RNGTT: variants seen among roughly 807,000 people sequenced by gnomAD.
The protein encoded by RNGTT is RNA guanylyltransferase and 5'-phosphatase.
RNGTT carries 33 observed loss-of-function variants against 79.3 expected under a neutral mutation model. The ratio of observed to expected loss-of-function variants is 0.42; its 90% CI spans 0.32 to 0.56. The LOEUF (loss-of-function observed/expected upper bound fraction) is 0.56, where lower values mean the gene tolerates loss of function less well. Ranked by LOEUF, RNGTT falls within the 20% of genes least tolerant of loss-of-function variation. The probability of loss-of-function intolerance (pLI) is 0.17; values close to 1 mark genes in which losing one functional copy is unlikely to be tolerated. For synonymous variants in RNGTT, 222 were observed against 235.9 expected (o/e 0.94, Z 0.54); for missense variants, 497 against 739.1 (o/e 0.67, Z 3.80).
chr6:88,940,715 C>T (rs887884774), intron 2 of RNGTT, among the ~76,000 whole-genome samples: 23 of 152,082 alleles, frequency 1.5e-4, no homozygotes, highest in Non-Finnish European at 2.9e-4. Context: ...TGAGGGAATT[C>T]CTCTGTGGAG....
Position 88,614,347 on chromosome 6 carries a change from AT to A in RNGTT, c.1554del (p.Lys518AsnfsTer10). 1 of 1,613,714 alleles carries A rather than the reference AT, an allele frequency of 6.2e-7. No homozygotes were observed. Among genetic ancestry groups the A allele is most frequent in the South Asian group, 1.1e-5 (1 of 91,054 alleles). ...KQYDNKIIEC[K>X]FENNSWVFMR... ...ATGAAGACCCAGCTGTTGTTCTCAA[AT>A]TTGCATTCTATAATTTTGTTGTCAT... On this transcript the variant is annotated frameshift_variant, in exon 15 of 16. Coordinates refer to ENST00000369485, the MANE Select transcript of RNGTT (RefSeq NM_003800.5). LOFTEE classifies it high-confidence loss of function.
At position 88,611,539 on chromosome 6, in the gene RNGTT, A is replaced by G. The variant is rs1582231239; in HGVS notation, c.*1180T>C. 2 of 118,796 alleles carry G rather than the reference A, an allele frequency of 1.7e-5. No homozygotes were observed. The highest frequency in any genetic ancestry group is 6.0e-5 in the African/African-American group (2 of 33,430). The allele number at this position is 118,796 out of a possible 1,614,324, so 7.4% of individuals were successfully genotyped here. ...GCAGACAATCAATTAGCCGCCCTTT[A>G]AATCCATTATCTATCAGTAAACATT... On this transcript the variant is annotated 3_prime_UTR_variant, in exon 16 of 16. Coordinates refer to ENST00000369485, the MANE Select transcript of RNGTT (RefSeq NM_003800.5).
intron 13 of RNGTT, among the ~76,000 whole-genome samples, chr6:88,729,724 G>A (rs1228644731): frequency 1.3e-5 from 2 of 152,124 alleles, no homozygotes; most frequent in Non-Finnish European, 2.9e-5. Flanking sequence ...AGAGGAGTTT[G>A]TGTCATGATT....
At chr6:88,874,656 G>GT (rs1156980544) in intron 8 of RNGTT, among the ~76,000 whole-genome samples, 1 of 150,032 alleles carries the variant, frequency 6.7e-6, no homozygotes, top group East Asian at 1.9e-4. Flanking sequence ...TCACAGAATC[G>GT]TAAAAAAAAA....
intron 11 of RNGTT, among the ~76,000 whole-genome samples, chr6:88,827,568 T>A (rs1348380147): frequency 6.6e-6 from 1 of 152,156 alleles, no homozygotes; most frequent in East Asian, 1.9e-4. Flanking sequence ...GAAAGGCGGC[T>A]GAAGCCAGGG....
At chr6:88,920,019 C>T (rs1432000314) in intron 4 of RNGTT, among the ~76,000 whole-genome samples, 3 of 152,052 alleles carry the variant, frequency 2.0e-5, no homozygotes, top group African/African-American at 4.8e-5. Flanking sequence ...GAAGATTTTG[C>T]CCCCCAGGGG....
chr6:88,804,251 A>G (rs1779885618), intron 11 of RNGTT, among the ~76,000 whole-genome samples: 1 of 152,250 alleles, frequency 6.6e-6, no homozygotes, highest in Admixed American at 6.5e-5. Flanking sequence ...AACTAAAAAT[A>G]AAGAGATAAC....
intron 14 of RNGTT, among the ~76,000 whole-genome samples, chr6:88,630,744 G>A (rs1026836737): frequency 6.6e-6 from 1 of 151,768 alleles, no homozygotes; most frequent in Non-Finnish European, 1.5e-5. Flanking sequence ...AATCCGACAT[G>A]ATAAAGGCAA....
chr6:88,915,463 G>A (rs573711791), intron 4 of RNGTT, among the ~76,000 whole-genome samples: 22 of 152,228 alleles, frequency 1.4e-4, no homozygotes, highest in African/African-American at 3.4e-4. Context: ...CACATCCCTC[G>A]CAGTAACATG....
chr6:88,772,841 GA>G, intron 12 of RNGTT, among the ~76,000 whole-genome samples: 1 of 152,098 alleles, frequency 6.6e-6, no homozygotes, highest in African/African-American at 2.4e-5. Flanking sequence ...AGAGGATGTG[GA>G]AAAATAGGAA....
chr6:88,856,281 G>C (rs1781841850), intron 8 of RNGTT, among the ~76,000 whole-genome samples: 1 of 151,928 alleles, frequency 6.6e-6, no homozygotes, highest in South Asian at 2.1e-4. Flanking sequence ...AAAAAGAAAT[G>C]GTTTACTCTT....
intron 14 of RNGTT, among the ~76,000 whole-genome samples, chr6:88,646,074 G>A (rs1288738128): frequency 6.6e-6 from 1 of 151,912 alleles, no homozygotes; most frequent in African/African-American, 2.4e-5. Flanking sequence ...GCAACCTAAA[G>A]AAAATTTTTG....
At chr6:88,822,473 C>A (rs1191435127) in intron 11 of RNGTT, among the ~76,000 whole-genome samples, 1 of 152,098 alleles carries the variant, frequency 6.6e-6, no homozygotes, top group African/African-American at 2.4e-5. Flanking sequence ...TAAAAATATC[C>A]TAAAAGTTAT....
intron 13 of RNGTT, among the ~76,000 whole-genome samples, chr6:88,724,811 C>T (rs189301950): frequency 2.8e-4 from 43 of 152,290 alleles, no homozygotes; most frequent in African/African-American, 9.9e-4. Context: ...GACTCATTCC[C>T]ATTACCTGCT....
At chr6:88,634,282 GA>G (rs541836638) in intron 14 of RNGTT, among the ~76,000 whole-genome samples, 1 of 152,164 alleles carries the variant, frequency 6.6e-6, no homozygotes, top group South Asian at 2.1e-4. Flanking sequence ...AATAAGGATG[GA>G]TTTAAAGTAA....
intron 14 of RNGTT, among the ~76,000 whole-genome samples, chr6:88,670,181 T>C (rs889962548): frequency 5.3e-5 from 8 of 152,200 alleles, no homozygotes; most frequent in African/African-American, 1.9e-4. Context: ...GTCAGAGACA[T>C]GACAAAGCTA....
chr6:88,760,473 G>T (rs1273589464), intron 13 of RNGTT, among the ~76,000 whole-genome samples: 1 of 152,208 alleles, frequency 6.6e-6, no homozygotes, highest in East Asian at 1.9e-4. Flanking sequence ...ATATGTTTGG[G>T]TGATGAGAAT....
intron 13 of RNGTT, among the ~76,000 whole-genome samples, chr6:88,699,591 G>A (rs948883072): frequency 2.0e-5 from 3 of 152,154 alleles, no homozygotes; most frequent in Admixed American, 1.3e-4. Flanking sequence ...CTTGAGCCTA[G>A]GAGGCTGAGG....
At position 88,811,919 on chromosome 6, in the gene RNGTT, A is replaced by C. The variant is rs556260018; in HGVS notation, c.1270-10287T>G. On this transcript the variant is annotated intron_variant, in intron 11 of 15. Coordinates refer to ENST00000369485, the MANE Select transcript of RNGTT (RefSeq NM_003800.5). ...CACAAATCCAAGGTTTAGTTTTAAA[A>C]CCCCCCCAAAAATGGAAATTTGCAC... Among the ~76,000 whole-genome samples, 6 of 151,578 alleles carry C rather than the reference A, an allele frequency of 4.0e-5. No individual in the cohort carries two copies. The South Asian group carries it at 6.3e-4, about 16-fold the overall frequency.
Sources: allele counts gnomAD v4.1 joint callset (sites outside exome capture counted in the v4.1 genomes callset), GRCh38; gene constraint gnomAD v4.1.1; transcripts MANE v1.5; gene names NCBI Gene and HGNC (gene_info 2026-07-23, HGNC 2026-07-21).